NEK11: variants seen among roughly 807,000 people sequenced by gnomAD.
NEK11 encodes the protein serine/threonine-protein kinase Nek11.
Under a neutral mutation model 80.7 loss-of-function variants are expected in NEK11, and 72 were observed. The observed-to-expected ratio is 0.89, with a 90% confidence interval of 0.74 to 1.08. NEK11 has a LOEUF of 1.08. Ranked by LOEUF, NEK11 falls within the 50% of genes least tolerant of loss-of-function variation. The probability of loss-of-function intolerance (pLI) is 0.00; values close to 1 mark genes in which losing one functional copy is unlikely to be tolerated. For synonymous variants in NEK11, 251 were observed against 260.7 expected (o/e 0.96, Z 0.36); for missense variants, 764 against 763.6 (o/e 1.00, Z -0.01).
At chr3:131,156,917 G>A (rs923379667) in intron 10 of NEK11, among the ~76,000 whole-genome samples, 5 of 146,852 alleles carry the variant, frequency 3.4e-5, no homozygotes, top group African/African-American at 7.6e-5. Context: ...TGTTGGGATC[G>A]AAAACACTGA....
At chr3:131,218,590 C>A (rs1255400630) in intron 14 of NEK11, among the ~76,000 whole-genome samples, 2 of 152,114 alleles carry the variant, frequency 1.3e-5, no homozygotes, top group South Asian at 2.1e-4. Flanking sequence ...TATGTTGGAG[C>A]CCTAACCCCC....
intron 16 of NEK11, among the ~76,000 whole-genome samples, chr3:131,245,122 G>A (rs993484781): frequency 2.0e-5 from 3 of 151,912 alleles, no homozygotes; most frequent in South Asian, 2.1e-4. Flanking sequence ...TCCAACGTCC[G>A]TTACTCCACA....
At chr3:131,042,476 A>G (rs1484949349) in intron 3 of NEK11, among the ~76,000 whole-genome samples, 1 of 152,158 alleles carries the variant, frequency 6.6e-6, no homozygotes, top group Non-Finnish European at 1.5e-5. Context: ...TTCCCTTCAC[A>G]GTATAAACAA....
At chr3:131,140,034 A>T (rs1324550565) in intron 7 of NEK11, among the ~76,000 whole-genome samples, 1 of 152,244 alleles carries the variant, frequency 6.6e-6, no homozygotes, top group Non-Finnish European at 1.5e-5. Flanking sequence ...AAAAATGGCC[A>T]TCATAACATA....
At chr3:131,340,290 G>A (rs868460926) in intron 17 of NEK11, among the ~76,000 whole-genome samples, 1 of 152,220 alleles carries the variant, frequency 6.6e-6, no homozygotes, top group African/African-American at 2.4e-5. Flanking sequence ...TACTATTCCT[G>A]TAACTTTTCT....
chr3:131,110,906 G>T (rs2080023027), intron 5 of NEK11, among the ~76,000 whole-genome samples: 1 of 152,060 alleles, frequency 6.6e-6, no homozygotes, highest in Non-Finnish European at 1.5e-5. Flanking sequence ...CAATCTGTTG[G>T]ATGATGTCAA....
At chr3:131,069,002 A>G (rs2072622604) in intron 3 of NEK11, among the ~76,000 whole-genome samples, 1 of 152,064 alleles carries the variant, frequency 6.6e-6, no homozygotes, top group African/African-American at 2.4e-5. Context: ...TACACTTGCC[A>G]TGATGATGAA....
chr3:131,056,485 C>T (rs1256538055), intron 3 of NEK11, among the ~76,000 whole-genome samples: 1 of 152,170 alleles, frequency 6.6e-6, no homozygotes, highest in Non-Finnish European at 1.5e-5. Context: ...GGCCGAAAAG[C>T]ATCCAGACAC....
intron 7 of NEK11, among the ~76,000 whole-genome samples, chr3:131,148,596 C>T (rs1261029729): frequency 6.6e-6 from 1 of 151,800 alleles, no homozygotes; most frequent in Admixed American, 6.6e-5. Flanking sequence ...AAAAACAAAG[C>T]CAAACAAATA....
chr3:131,275,471 G>GT lies in NEK11; in HGVS notation c.1718+1905dup, dbSNP rs201575474. Among the ~76,000 whole-genome samples, 59 of 151,936 alleles carry GT rather than the reference G, an allele frequency of 3.9e-4. No homozygotes were observed. In the East Asian group the frequency reaches 7.0e-3, roughly 18 times the overall value. On this transcript the variant is annotated intron_variant, in intron 17 of 17. Coordinates refer to ENST00000383366, the MANE Select transcript of NEK11 (RefSeq NM_024800.5). ...CTAATGATTTTATTCCTAGTGTGTT[G>GT]TTTTTTTTCTCCTTATTGCTTGGCT...
chr3:131,089,387 C>T (rs1455963473), intron 4 of NEK11, among the ~76,000 whole-genome samples: 3 of 151,864 alleles, frequency 2.0e-5, no homozygotes, highest in African/African-American at 7.3e-5. Flanking sequence ...CTATGAAGAA[C>T]AGCATTTAAA....
At position 131,170,782 on chromosome 3, in the gene NEK11, G is replaced by A. The variant is rs376755010; in HGVS notation, c.1294G>A (p.Glu432Lys). The A allele has an allele frequency of 1.2e-6, 2 of 1,611,858 alleles. No homozygotes were observed. Among genetic ancestry groups the A allele is most frequent in the Non-Finnish European group, 1.7e-6 (2 of 1,178,066 alleles). ...AATTACCTTCCACAAGGAATCTGAT[G>A]AACCAACTTTAGAGAACCTGCCTGA... The part of the protein sequence containing the change: ...RWQGREEESD[E>K]PTLENLPESQ... The change falls in exon 14 of 18, where the codon GAA becomes AAA. Residue 432 changes from glutamate (E) to lysine (K), a missense_variant. Physicochemically the swap from Glu to Lys is moderately conservative, Grantham distance 56. Transcript: ENST00000383366.
chr3:131,186,835 A>T (rs1252748362), intron 14 of NEK11, among the ~76,000 whole-genome samples: 2 of 152,166 alleles, frequency 1.3e-5, no homozygotes, highest in Admixed American at 6.6e-5. Flanking sequence ...CTTGTGGCTT[A>T]TTTTAATGTA....
At chr3:131,310,994 T>A (rs994191364) in intron 17 of NEK11, among the ~76,000 whole-genome samples, 3 of 152,198 alleles carry the variant, frequency 2.0e-5, no homozygotes, top group African/African-American at 7.2e-5. Context: ...GATAGCTATT[T>A]TCCCCTCTCA....
chr3:131,136,663 C>T (rs1240636099), intron 7 of NEK11, among the ~76,000 whole-genome samples: 1 of 152,148 alleles, frequency 6.6e-6, no homozygotes, highest in African/African-American at 2.4e-5. Context: ...TTATTTATAG[C>T]ATTCAGTACA....
chr3:131,201,828 TTTTTATTTTA>T (rs967924429), intron 14 of NEK11, among the ~76,000 whole-genome samples: 1 of 152,086 alleles, frequency 6.6e-6, no homozygotes, highest in African/African-American at 2.4e-5. Flanking sequence ...TAAATTCAGA[TTTTTATTTTA>T]TTTTATTTTA....
At chr3:131,201,684 C>A (rs371107245) in intron 14 of NEK11, among the ~76,000 whole-genome samples, 3 of 151,262 alleles carry the variant, frequency 2.0e-5, no homozygotes, top group East Asian at 3.9e-4. Flanking sequence ...TTTCTCTGAG[C>A]AAATGCTAAA....
chr3:131,143,666 C>T (rs1468178441), intron 7 of NEK11, among the ~76,000 whole-genome samples: 1 of 151,976 alleles, frequency 6.6e-6, no homozygotes, highest in Non-Finnish European at 1.5e-5. Context: ...TTGGGAAACA[C>T]TGATAGAGGT....
chr3:131,268,711 CTGGG>C (rs2096114951), intron 16 of NEK11, among the ~76,000 whole-genome samples: 1 of 152,260 alleles, frequency 6.6e-6, no homozygotes. Context: ...TCAACCCCTG[CTGGG>C]AGGTGTCTCC....
Sources: gnomAD v4.1 joint callset for allele counts (sites outside exome capture counted in the v4.1 genomes callset) on GRCh38, gnomAD v4.1.1 for gene constraint, MANE v1.5 for transcripts, NCBI Gene and HGNC (gene_info 2026-07-23, HGNC 2026-07-21) for gene names.